Variants in AGFG1 observed in about 807,000 individuals in gnomAD.
The protein encoded by AGFG1 is ArfGAP with FG repeats 1, also known as arf-GAP domain and FG repeat-containing protein 1.
In AGFG1, 10 loss-of-function variants were observed where a neutral mutation model predicts 60.6. The ratio of observed to expected loss-of-function variants is 0.16; its 90% CI spans 0.10 to 0.28. AGFG1 has a LOEUF of 0.28. Among genes scored for constraint, AGFG1 ranks in the 10% least tolerant of loss-of-function variants. The pLI is 1.00. For synonymous variants in AGFG1, 247 were observed against 242.9 expected (o/e 1.02, Z -0.16); for missense variants, 537 against 676.5 (o/e 0.79, Z 2.29).
At chr2:227,502,729 C>T (rs942189657) in intron 2 of AGFG1, among the ~76,000 whole-genome samples, 12 of 152,114 alleles carry the variant, frequency 7.9e-5, no homozygotes, top group African/African-American at 2.9e-4. Context: ...TCTTCTCTGT[C>T]TTAAAAAATC....
chr2:227,510,912 A>C (rs982627905), intron 2 of AGFG1: 1 of 152,158 alleles, frequency 6.6e-6, no homozygotes, highest in Non-Finnish European at 1.5e-5. Flanking sequence ...CTAGTATTCT[A>C]AATATTTGCT....
At chr2:227,535,132 G>T in intron 8 of AGFG1, 107 bp downstream of exon 8, 5 of 1,206,176 alleles carry the variant, frequency 4.1e-6, no homozygotes, top group African/African-American at 1.6e-5. Context: ...TAAAATTCTT[G>T]GATATTTTTG....
chr2:227,533,157 A>G (rs955725550), intron 6 of AGFG1, among the ~76,000 whole-genome samples: 4 of 152,200 alleles, frequency 2.6e-5, no homozygotes, highest in Non-Finnish European at 4.4e-5. Context: ...TGGAGCCACA[A>G]AAGTTTGAAA....
chr2:227,536,085 AG>A (rs1692301513), intron 8 of AGFG1, among the ~76,000 whole-genome samples: 1 of 151,930 alleles, frequency 6.6e-6, no homozygotes, highest in Non-Finnish European at 1.5e-5. Flanking sequence ...TTTGTTACAT[AG>A]GTATACATGT....
rs138381452 is a variant in AGFG1 at position 227,557,956 on chromosome 2, T to C, written c.*3461T>C. 1.3e-5 allele frequency: 2 copies of C among 152,338 alleles called. No homozygotes were observed. Among genetic ancestry groups the C allele is most frequent in the Non-Finnish European group, 2.9e-5 (2 of 68,020 alleles). 9.4% of individuals were successfully genotyped at this position (152,338 alleles called of 1,614,324 possible). ...AGACTCTTTGAGAACCACTATACTT[T>C]AAATTTGTGTATTTCTAGAACAGTA... On this transcript the variant is annotated 3_prime_UTR_variant, in exon 13 of 13. Transcript: ENST00000310078.
chr2:227,548,847 G>C (rs1692731571), intron 10 of AGFG1, among the ~76,000 whole-genome samples: 1 of 152,130 alleles, frequency 6.6e-6, no homozygotes, highest in Non-Finnish European at 1.5e-5. Context: ...TGAGGCAGGA[G>C]AATGGCGTGA....
Position 227,553,803 on chromosome 2 carries a change from A to G in AGFG1, c.1629+8A>G. On this transcript the variant is annotated splice_region_variant and intron_variant, in intron 12 of 12. Transcript: ENST00000310078. Reference sequence around the variant, plus strand: ...TCTAGTAATCCTTTTATGGTAAGCAAAATTTAAAATTAAATACTTTATAAG... The same window carrying G: ...TCTAGTAATCCTTTTATGGTAAGCAGAATTTAAAATTAAATACTTTATAAG... The G allele has an allele frequency of 6.3e-7, 1 of 1,590,218 alleles. No individual in the cohort carries two copies.
chr2:227,554,070 T>C (rs151099465), intron 12 of AGFG1, among the ~76,000 whole-genome samples: 78 of 152,352 alleles, frequency 5.1e-4, no homozygotes, highest in East Asian at 1.5e-3. Flanking sequence ...ATGAAACTTA[T>C]CTGCTTTCTT....
chr2:227,551,453 C>CT (rs1247885049), intron 10 of AGFG1, among the ~76,000 whole-genome samples: 1 of 151,878 alleles, frequency 6.6e-6, no homozygotes, highest in African/African-American at 2.4e-5. Flanking sequence ...CTGCCTGTAA[C>CT]TAACTATTTG....
At chr2:227,529,006 T>C (rs964390079) in intron 5 of AGFG1, among the ~76,000 whole-genome samples, 1 of 152,218 alleles carries the variant, frequency 6.6e-6, no homozygotes, top group Non-Finnish European at 1.5e-5. Flanking sequence ...GAGTTGTTTT[T>C]TAGTCTGAAG....
chr2:227,530,712 T>C (rs1183207268), intron 5 of AGFG1, among the ~76,000 whole-genome samples: 3 of 152,090 alleles, frequency 2.0e-5, no homozygotes, highest in African/African-American at 7.2e-5. Flanking sequence ...CCATTTTTAA[T>C]CAGTGAATTT....
chr2:227,552,111 C>T lies in AGFG1; in HGVS notation c.1531C>T (p.Pro511Ser). The T allele has an allele frequency of 6.2e-7, 1 of 1,614,122 alleles. No homozygotes were observed. Among genetic ancestry groups the T allele is most frequent in the Non-Finnish European group, 8.5e-7 (1 of 1,179,994 alleles). Residue 511 changes from proline to serine, a missense_variant, in exon 11 of 13, where the codon CCC (proline) becomes TCC (serine). Pro to Ser is a moderately conservative substitution (Grantham distance 74, BLOSUM62 -1). Coordinates refer to ENST00000310078, the MANE Select transcript of AGFG1 (RefSeq NM_004504.5). The part of the protein sequence containing the change: ...FPQQTAFSQQ[P>S]NGAGFAAFGQ... The stretch of plus-strand genomic sequence containing the variant: ...TCAACAGACAGCTTTTTCTCAACAG[C>T]CCAATGGTAAGATCTAACATTTGGC...
intron 1 of AGFG1, among the ~76,000 whole-genome samples, chr2:227,472,956 G>GT (rs1485693477): frequency 5.3e-5 from 8 of 149,910 alleles, no homozygotes; most frequent in African/African-American, 1.7e-4. Context: ...GCGCCGGGCT[G>GT]TGGGGGGTGG....
At chr2:227,506,460 G>A (rs139962803) in intron 2 of AGFG1, among the ~76,000 whole-genome samples, 173 of 151,210 alleles carry the variant, frequency 1.1e-3, no homozygotes, top group Middle Eastern at 3.4e-3. Flanking sequence ...CTATGGCTGT[G>A]GTGAACCTCT....
At chr2:227,520,531 T>C (rs888154361) in intron 3 of AGFG1, among the ~76,000 whole-genome samples, 1 of 152,240 alleles carries the variant, frequency 6.6e-6, no homozygotes, top group East Asian at 1.9e-4. Context: ...ATATTTTTTC[T>C]TTTGACCTAA....
intron 1 of AGFG1, among the ~76,000 whole-genome samples, chr2:227,475,556 TA>T (rs1309831539): frequency 6.6e-6 from 1 of 152,224 alleles, no homozygotes; most frequent in Non-Finnish European, 1.5e-5. Context: ...AAGAATAATA[TA>T]ACTCTTGGGT....
rs1210900711 is a variant in AGFG1, at chr2:227,555,303, G to A, written c.*808G>A. 4.6e-5 allele frequency: 7 copies of A among 152,510 alleles called. No individual in the cohort carries two copies. Among genetic ancestry groups the A allele is most frequent in the Non-Finnish European group, 1.5e-5 (1 of 67,996 alleles). The allele number at this position is 152,510 out of a possible 1,614,324, so 9.4% of individuals were successfully genotyped here. On this transcript the variant is annotated 3_prime_UTR_variant, in exon 13 of 13. Transcript: ENST00000310078. Reference sequence around the variant, plus strand: ...CATTCAGGAATATGCCAGTGGTAAAGCATTTAAATGTAGCTTGTCAGATTT... The same window carrying A: ...CATTCAGGAATATGCCAGTGGTAAAACATTTAAATGTAGCTTGTCAGATTT...
intron 6 of AGFG1, chr2:227,532,008 A>G: frequency 1.6e-6 from 1 of 637,094 alleles, no homozygotes; most frequent in Non-Finnish European, 2.5e-6. Context: ...TGGAACCCTT[A>G]TTTAGATTTT....
chr2:227,547,771 A>G (rs1454502376), intron 10 of AGFG1, among the ~76,000 whole-genome samples: 1 of 152,342 alleles, frequency 6.6e-6, no homozygotes, highest in African/African-American at 2.4e-5. Flanking sequence ...CCCCTTGGAA[A>G]ACATTTTGGC....
Sources: allele counts gnomAD v4.1 joint callset (sites outside exome capture counted in the v4.1 genomes callset), GRCh38; gene constraint gnomAD v4.1.1; transcripts MANE v1.5; gene names NCBI Gene and HGNC (gene_info 2026-07-23, HGNC 2026-07-21).